The following EFHC1 variants were observed in gnomAD, a reference collection of about 807,000 sequenced individuals.
EFHC1 encodes EF-hand domain-containing protein 1.
In EFHC1, 53 loss-of-function variants were observed where a neutral mutation model predicts 69.9. That is an observed-to-expected ratio of 0.76 (90% CI 0.61 to 0.95). The LOEUF (loss-of-function observed/expected upper bound fraction) is 0.95, where lower values mean the gene tolerates loss of function less well. Ranked by LOEUF, EFHC1 falls within the 40% of genes least tolerant of loss-of-function variation. EFHC1 has a pLI of 0.00. For synonymous variants in EFHC1, 256 were observed against 278.4 expected, an observed-to-expected ratio of 0.92 and a Z score of 0.80; for missense variants, 739 against 798.7, an observed-to-expected ratio of 0.93 and a Z score of 0.90.
rs896870343 is a variant in EFHC1, at chr6:52,496,907, T to C, written c.*4566T>C. 2.6e-5 allele frequency: 4 copies of C among 152,162 alleles called. No individual in the cohort carries two copies. Among genetic ancestry groups the C allele is most frequent in the African/African-American group, 7.2e-5 (3 of 41,422 alleles). 9.4% of individuals were successfully genotyped at this position (152,162 alleles called of 1,614,324 possible). ...TTTTTCCAAAGAAAGATGGTTCTGG[T>C]AAACACAGCAAGCAGCTACAGCCAA... is the stretch of plus-strand genomic sequence containing the variant. On this transcript the variant is annotated 3_prime_UTR_variant, in exon 11 of 11. Coordinates refer to ENST00000371068, the MANE Select transcript of EFHC1 (RefSeq NM_018100.4).
In EFHC1 at chr6:52,479,803, C is replaced by T. The variant is rs756838828; in HGVS notation, c.1640+16C>T. ...AAGCAGAAAGGTGTGTGTTTGATTG[C>T]TAGGGTTTGGCACACTCAAGATATT... On this transcript the variant is annotated intron_variant, in intron 9 of 10. Coordinates refer to ENST00000371068, the MANE Select transcript of EFHC1 (RefSeq NM_018100.4). The T allele has an allele frequency of 1.9e-6, 3 of 1,613,488 alleles. No individual in the cohort carries two copies. The highest frequency in any genetic ancestry group is 3.3e-5 in the Admixed American group (2 of 60,002).
At chr6:52,420,895 A>C in intron 1 of EFHC1, 1 of 513,396 alleles carries the variant, frequency 1.9e-6, no homozygotes, top group East Asian at 8.1e-5. Context: ...GTCTCCGTCC[A>C]TCGCCGCCCT....
chr6:52,475,008 G>T (rs567918052), intron 7 of EFHC1, among the ~76,000 whole-genome samples: 31 of 141,280 alleles, frequency 2.2e-4, no homozygotes, highest in African/African-American at 7.7e-4. Flanking sequence ...GTTGTTTTGG[G>T]TTTTTTTTTT....
intron 7 of EFHC1, among the ~76,000 whole-genome samples, chr6:52,472,713 T>TAGGTG (rs1765466051): frequency 6.7e-6 from 1 of 150,032 alleles, no homozygotes; most frequent in Non-Finnish European, 1.5e-5. Context: ...ATGTAATATC[T>TAGGTG]TTTACATACA....
At chr6:52,464,548 G>A (rs756475865) in intron 5 of EFHC1, among the ~76,000 whole-genome samples, 6 of 152,164 alleles carry the variant, frequency 3.9e-5, no homozygotes, top group Non-Finnish European at 7.3e-5. Flanking sequence ...AAATGACTTG[G>A]ATCTTTCCTA....
intron 1 of EFHC1, 198 bp from the exon 2 acceptor site, chr6:52,423,748 C>A: frequency 8.0e-7 from 1 of 1,247,150 alleles, no homozygotes. Flanking sequence ...TGAAGTGATT[C>A]TCCCTCTTCA....
At chr6:52,484,249 A>T (rs978213579) in intron 9 of EFHC1, 2 of 152,130 alleles carry the variant, frequency 1.3e-5, no homozygotes, top group African/African-American at 4.8e-5. Context: ...GGGTCTTGAG[A>T]CACCTTTATA....
chr6:52,456,328 G>A (rs1247612435), intron 5 of EFHC1, among the ~76,000 whole-genome samples: 1 of 152,052 alleles, frequency 6.6e-6, no homozygotes. Context: ...AGTAATTTTG[G>A]CCTTTCAGAA....
intron 3 of EFHC1, among the ~76,000 whole-genome samples, chr6:52,441,597 A>G (rs935620137): frequency 1.3e-5 from 2 of 151,880 alleles, no homozygotes; most frequent in Non-Finnish European, 2.9e-5. Flanking sequence ...CTTTTTGGGT[A>G]CCATTGAATT....
chr6:52,436,929 A>C (rs533865984), intron 2 of EFHC1, among the ~76,000 whole-genome samples: 27 of 152,340 alleles, frequency 1.8e-4, no homozygotes, highest in African/African-American at 4.8e-4. Flanking sequence ...GGCGTAAGCC[A>C]CCACGCCTGG....
At position 52,495,418 on chromosome 6, in the gene EFHC1, T is replaced by G; in HGVS notation, c.*3077T>G. On this transcript the variant is annotated 3_prime_UTR_variant, in exon 11 of 11. Transcript: ENST00000371068. Reference sequence around the variant, plus strand: ...TCTCCATCACTCTTGCCTCCTGTGGTAGAGGAGCTTTGGGCTACTCCTTAA... The same window carrying G: ...TCTCCATCACTCTTGCCTCCTGTGGGAGAGGAGCTTTGGGCTACTCCTTAA... The G allele has an allele frequency of 2.2e-6, 1 of 454,140 alleles. No homozygotes were observed. Among genetic ancestry groups the G allele is most frequent in the Non-Finnish European group, 4.4e-6 (1 of 226,802 alleles). The allele number at this position is 454,140 out of a possible 1,614,324, so 28.1% of individuals were successfully genotyped here.
Position 52,495,534 on chromosome 6 carries a change from A to G in EFHC1, c.*3193A>G, listed in dbSNP as rs887441399. On this transcript the variant is annotated 3_prime_UTR_variant, in exon 11 of 11. Transcript: ENST00000371068. The stretch of plus-strand genomic sequence containing the variant: ...GCTTTGGGTCTCAGCCAAAATGGAG[A>G]TTTAGGAAAGTCTCATTTAGCATCC... 1.1e-5 allele frequency: 5 copies of G among 453,946 alleles called. No homozygotes were observed. Among genetic ancestry groups the G allele is most frequent in the African/African-American group, 4.0e-5 (2 of 49,982 alleles). The allele number at this position is 453,946 out of a possible 1,614,324, so 28.1% of individuals were successfully genotyped here. A position where few individuals can be genotyped will look rare whatever the true frequency, so the allele number is the denominator to read the frequency against.
Position 52,493,954 on chromosome 6 carries a change from C to G in EFHC1, c.*1613C>G. The G allele has an allele frequency of 2.2e-6, 1 of 454,094 alleles. No homozygotes were observed. Among genetic ancestry groups the G allele is most frequent in the South Asian group, 1.6e-5 (1 of 64,474 alleles). 28.1% of individuals were successfully genotyped at this position (454,094 alleles called of 1,614,324 possible). A position where few individuals can be genotyped will look rare whatever the true frequency, so the allele number is the denominator to read the frequency against. On this transcript the variant is annotated 3_prime_UTR_variant, in exon 11 of 11. Coordinates refer to ENST00000371068, the MANE Select transcript of EFHC1 (RefSeq NM_018100.4). The stretch of plus-strand genomic sequence containing the variant: ...TTTCCTTCCCTAACGAGCTCAGCCA[C>G]TTGTAACCAGCTTATTGAAAGGGCT...
intron 7 of EFHC1, among the ~76,000 whole-genome samples, chr6:52,470,231 G>A (rs1562459058): frequency 6.6e-6 from 1 of 152,078 alleles, no homozygotes; most frequent in African/African-American, 2.4e-5. Context: ...TTTAGAAAAC[G>A]ATTGCACAAA....
In EFHC1 at chr6:52,494,277, C is replaced by T. The variant is rs548322834; in HGVS notation, c.*1936C>T. 2.7e-4 allele frequency: 124 copies of T among 454,116 alleles called. No homozygotes were observed. Among genetic ancestry groups the T allele is most frequent in the Non-Finnish European group, 4.3e-4 (98 of 226,788 alleles). 28.1% of individuals were successfully genotyped at this position (454,116 alleles called of 1,614,324 possible). A position where few individuals can be genotyped will look rare whatever the true frequency, so the allele number is the denominator to read the frequency against. On this transcript the variant is annotated 3_prime_UTR_variant, in exon 11 of 11. Coordinates refer to ENST00000371068, the MANE Select transcript of EFHC1 (RefSeq NM_018100.4). ...AGAAGTTTTTTCAGCTTAAAAATTA[C>T]CAAGCTCTATCCTACTTGGCCCAGC...
At chr6:52,488,532 C>T (rs1273072513) in intron 9 of EFHC1, 1 of 152,034 alleles carries the variant, frequency 6.6e-6, no homozygotes, top group Non-Finnish European at 1.5e-5. Flanking sequence ...TTCTGTAATA[C>T]TATTTTGCTT....
chr6:52,453,006 C>T, intron 4 of EFHC1, 169 bp downstream of exon 4: 1 of 1,544,788 alleles, frequency 6.5e-7, no homozygotes, highest in Non-Finnish European at 8.7e-7. Context: ...GTTACAGGTA[C>T]AGGAATGCCT....
At chr6:52,454,364 A>G in intron 5 of EFHC1, 77 bp downstream of exon 5, 2 of 1,581,982 alleles carry the variant, frequency 1.3e-6, no homozygotes. Context: ...TCAGTATGCA[A>G]AATTCGTTTA....
chr6:52,469,573 T>C lies in EFHC1; in HGVS notation c.1278+100T>C, dbSNP rs62407897. Reference sequence around the variant, plus strand: ...GCTGTAGATTAACAGCTGTCAGAGTTATGTGTTGACTCAACCAACCATTGT... The same window carrying C: ...GCTGTAGATTAACAGCTGTCAGAGTCATGTGTTGACTCAACCAACCATTGT... On this transcript the variant is annotated intron_variant, in intron 7 of 10. Transcript: ENST00000371068. 320,247 of 1,546,148 alleles carry C rather than the reference T, an allele frequency of 0.21. 36,127 individuals are homozygous for C. The highest frequency in any genetic ancestry group is 0.42 in the Admixed American group (24,928 of 58,944).
Sources: gnomAD v4.1 joint callset for allele counts (sites outside exome capture counted in the v4.1 genomes callset) on GRCh38, gnomAD v4.1.1 for gene constraint, MANE v1.5 for transcripts, NCBI Gene and HGNC (gene_info 2026-07-23, HGNC 2026-07-21) for gene names.